KCNQ5: variants seen among roughly 807,000 people sequenced by gnomAD.
KCNQ5 encodes potassium voltage-gated channel subfamily KQT member 5.
In KCNQ5, 30 loss-of-function variants were observed where a neutral mutation model predicts 98.2. The observed-to-expected ratio is 0.31, with a 90% CI of 0.23 to 0.41. The LOEUF (loss-of-function observed/expected upper bound fraction) is 0.41. Among genes scored for constraint, KCNQ5 ranks in the 10% least tolerant of loss-of-function variants. The pLI is 1.00. For synonymous variants in KCNQ5, 458 were observed against 449.4 expected, an observed-to-expected ratio of 1.02 and a Z score of -0.24; for missense variants, 835 against 1,182.5, an observed-to-expected ratio of 0.71 and a Z score of 4.31.
intron 1 of KCNQ5, among the ~76,000 whole-genome samples, chr6:72,948,510 A>T (rs536510850): frequency 4.5e-4 from 69 of 152,030 alleles, no homozygotes; most frequent in Non-Finnish European, 8.2e-4. Context: ...TTTTTAATGG[A>T]TTCACAGTCA....
intron 1 of KCNQ5, among the ~76,000 whole-genome samples, chr6:72,918,943 CT>C (rs1247324735): frequency 8.5e-5 from 13 of 152,172 alleles, no homozygotes; most frequent in Admixed American, 7.2e-4. Context: ...CTCTTCTCCC[CT>C]CTTGCCTTGT....
intron 3 of KCNQ5, among the ~76,000 whole-genome samples, chr6:73,054,651 C>T (rs995206304): frequency 6.6e-6 from 1 of 152,152 alleles, no homozygotes; most frequent in Admixed American, 6.5e-5. Context: ...CATCCCTTCA[C>T]GTTAAAAACC....
chr6:72,754,432 T>G (rs540986289), intron 1 of KCNQ5, among the ~76,000 whole-genome samples: 3 of 152,232 alleles, frequency 2.0e-5, no homozygotes, highest in Admixed American at 1.3e-4. Flanking sequence ...GAGAGCATAT[T>G]TTATATCAGC....
At chr6:73,005,091 A>T (rs1417522601) in intron 2 of KCNQ5, among the ~76,000 whole-genome samples, 1 of 152,220 alleles carries the variant, frequency 6.6e-6, no homozygotes, top group Admixed American at 6.5e-5. Flanking sequence ...GGGAGACCTC[A>T]TTTTGAATCT....
rs189384061 is a variant in KCNQ5 at position 73,071,827 on chromosome 6, A to G, written c.617-5495A>G. ...CTCTAACACTGGGGATCACATTTCA[A>G]CATGATATTTGGAGGTCAAATATCC... On this transcript the variant is annotated intron_variant, in intron 3 of 13. Coordinates refer to ENST00000370398, the MANE Select transcript of KCNQ5 (RefSeq NM_019842.4). 3.3e-5 allele frequency among the ~76,000 whole-genome samples: 5 copies of G among 152,318 alleles called. No homozygotes were observed. In the East Asian group the frequency reaches 7.7e-4, roughly 23 times the overall value.
intron 3 of KCNQ5, among the ~76,000 whole-genome samples, chr6:73,064,724 T>G (rs889282840): frequency 2.0e-5 from 3 of 152,166 alleles, no homozygotes; most frequent in African/African-American, 7.2e-5. Flanking sequence ...ATAAAGCCAC[T>G]GTATCATTGC....
intron 1 of KCNQ5, among the ~76,000 whole-genome samples, chr6:72,768,599 G>A (rs1016866435): frequency 6.6e-6 from 1 of 151,932 alleles, no homozygotes; most frequent in Non-Finnish European, 1.5e-5. Context: ...CATGGAAAAC[G>A]GATGAAACTT....
At chr6:73,128,827 G>A (rs1401676643) in intron 9 of KCNQ5, among the ~76,000 whole-genome samples, 1 of 152,082 alleles carries the variant, frequency 6.6e-6, no homozygotes, top group Non-Finnish European at 1.5e-5. Flanking sequence ...AAACGTTAAG[G>A]CAAAAATGAT....
intron 1 of KCNQ5, among the ~76,000 whole-genome samples, chr6:72,761,377 A>G (rs894778946): frequency 6.6e-6 from 1 of 152,018 alleles, no homozygotes; most frequent in Non-Finnish European, 1.5e-5. Flanking sequence ...GTAGATTCAG[A>G]TTATGACTAG....
chr6:72,856,660 G>T (rs182237099), intron 1 of KCNQ5, among the ~76,000 whole-genome samples: 1 of 152,124 alleles, frequency 6.6e-6, no homozygotes. Context: ...AAGAAAATAC[G>T]TTAAATCTGA....
At chr6:73,191,416 C>T (rs1190298995) in intron 12 of KCNQ5, among the ~76,000 whole-genome samples, 2 of 152,104 alleles carry the variant, frequency 1.3e-5, no homozygotes, top group Admixed American at 1.3e-4. Context: ...AAATGAATTC[C>T]ACATGTTAAT....
At chr6:72,639,195 A>G (rs937985875) in intron 1 of KCNQ5, among the ~76,000 whole-genome samples, 3 of 152,216 alleles carry the variant, frequency 2.0e-5, no homozygotes, top group Admixed American at 6.5e-5. Context: ...TGAGAAGAGA[A>G]AGATTTGCAA....
intron 1 of KCNQ5, among the ~76,000 whole-genome samples, chr6:72,738,011 C>G (rs547486682): frequency 1.3e-5 from 2 of 150,408 alleles, no homozygotes; most frequent in East Asian, 3.9e-4. Flanking sequence ...AAAAATTAGC[C>G]GGGCGTGGTG....
At chr6:72,746,539 C>A (rs1771417805) in intron 1 of KCNQ5, among the ~76,000 whole-genome samples, 1 of 152,162 alleles carries the variant, frequency 6.6e-6, no homozygotes, top group South Asian at 2.1e-4. Context: ...CCTGAAGCAA[C>A]AGTGAAACAA....
At chr6:72,853,838 C>T (rs1777403786) in intron 1 of KCNQ5, among the ~76,000 whole-genome samples, 1 of 152,134 alleles carries the variant, frequency 6.6e-6, no homozygotes, top group Non-Finnish European at 1.5e-5. Context: ...AGTTCCATTT[C>T]CATTCATTTT....
intron 11 of KCNQ5, among the ~76,000 whole-genome samples, chr6:73,176,933 A>G (rs1224276097): frequency 1.2e-4 from 19 of 152,152 alleles, no homozygotes; most frequent in Non-Finnish European, 5.9e-5. Flanking sequence ...CACCCCAGGG[A>G]GTAAAAAGAG....
At chr6:72,970,579 G>A (rs984623842) in intron 1 of KCNQ5, among the ~76,000 whole-genome samples, 5 of 152,096 alleles carry the variant, frequency 3.3e-5, no homozygotes, top group African/African-American at 7.2e-5. Flanking sequence ...GAGGCATCAC[G>A]CTACCTAACT....
At chr6:72,801,324 TATATATTTAGGATA>T (rs1214457336) in intron 1 of KCNQ5, among the ~76,000 whole-genome samples, 7 of 144,198 alleles carry the variant, frequency 4.9e-5, no homozygotes, top group Admixed American at 4.2e-4. Context: ...ATTGGGTGCA[TATATATTTAGGATA>T]GTTAGCTCTT....
At chr6:72,940,118 G>T (rs1766151103) in intron 1 of KCNQ5, among the ~76,000 whole-genome samples, 1 of 152,042 alleles carries the variant, frequency 6.6e-6, no homozygotes, top group South Asian at 2.1e-4. Context: ...CACTCTTTAA[G>T]CTTGAACATT....
Sources: allele counts gnomAD v4.1 joint callset (sites outside exome capture counted in the v4.1 genomes callset), GRCh38; gene constraint gnomAD v4.1.1; transcripts MANE v1.5; gene names NCBI Gene and HGNC (gene_info 2026-07-23, HGNC 2026-07-21).